Variants in PLCB3 observed in about 807,000 individuals in gnomAD.
PLCB3 encodes the protein 1-phosphatidylinositol 4,5-bisphosphate phosphodiesterase beta-3.
Under a neutral mutation model 152.1 loss-of-function variants are expected in PLCB3, and 54 were observed. The observed-to-expected ratio is 0.36, with a 90% CI of 0.29 to 0.45. PLCB3 has a LOEUF of 0.45. Among genes scored for constraint, PLCB3 ranks in the 20% least tolerant of loss-of-function variants. The pLI is 1.00. For missense variants in PLCB3, 1,248 were observed against 1,687.5 expected (o/e 0.74, Z 4.56); for synonymous variants, 717 against 698.7 (o/e 1.03, Z -0.41).
chr11:64,261,278 C>T lies in PLCB3; in HGVS notation c.1732-122C>T. On this transcript the variant is annotated intron_variant, in intron 14 of 30. Coordinates refer to ENST00000279230, the MANE Select transcript of PLCB3 (RefSeq NM_000932.5). Reference sequence around the variant, plus strand: ...GAGACCCCGGGGAGAAGACTGTCGGCACCACCAGCAGTGTGTATATAGTGC... The same window carrying T: ...GAGACCCCGGGGAGAAGACTGTCGGTACCACCAGCAGTGTGTATATAGTGC... 4.0e-6 allele frequency: 3 copies of T among 753,678 alleles called. No individual in the cohort carries two copies. In the South Asian group the frequency reaches 4.3e-5, roughly 11 times the overall value. The allele number at this position is 753,678 out of a possible 1,614,324, so 46.7% of individuals were successfully genotyped here.
At position 64,255,849 on chromosome 11, in the gene PLCB3, C is replaced by T; in HGVS notation, c.698+28C>T. On this transcript the variant is annotated intron_variant, in intron 8 of 30. Transcript: ENST00000279230. This position sits in a 1 kb window ranked among gnomAD's most constrained non-coding sequence, Gnocchi z 6.8. Reference sequence around the variant, plus strand: ...GAGTGGGCCCGGCCTGCCTCACAACCCCTGTGCTCTGTGTTTAGCTTCTGC... The same window carrying T: ...GAGTGGGCCCGGCCTGCCTCACAACTCCTGTGCTCTGTGTTTAGCTTCTGC... The T allele has an allele frequency of 6.8e-7, 1 of 1,475,082 alleles. No homozygotes were observed. The highest frequency in any genetic ancestry group is 9.5e-7 in the Non-Finnish European group (1 of 1,053,232). The allele number at this position is 1,475,082 out of a possible 1,614,324, so 91.4% of individuals were successfully genotyped here.
Position 64,258,102 on chromosome 11 carries a change from C to T in PLCB3, c.1013-371C>T, listed in dbSNP as rs2031634094. ...CAGGGAGGCGGAGGTTGCAGTGAAC[C>T]GAGGTTGTGCCACTGCACTCCAGCC... is the stretch of plus-strand genomic sequence containing the variant. On this transcript the variant is annotated intron_variant, in intron 10 of 30. Coordinates refer to ENST00000279230, the MANE Select transcript of PLCB3 (RefSeq NM_000932.5). This position sits in a 1 kb window ranked among gnomAD's most constrained non-coding sequence, Gnocchi z 7.2. 1.3e-5 allele frequency among the ~76,000 whole-genome samples: 2 copies of T among 149,608 alleles called. No individual in the cohort carries two copies. Among genetic ancestry groups the T allele is most frequent in the African/African-American group, 4.9e-5 (2 of 40,560 alleles).
Position 64,261,603 on chromosome 11 carries a change from G to A in PLCB3, c.1851G>A (p.Met617Ile). 2 of 1,614,184 alleles carry A rather than the reference G, an allele frequency of 1.2e-6. No individual in the cohort carries two copies. The highest frequency in any genetic ancestry group is 8.5e-7 in the Non-Finnish European group (1 of 1,180,016). The part of the protein sequence containing the change: ...AARKRNKCFE[M>I]SSFVETKAME... ...AAGAGAGGAACAAATGCTTCGAGAT[G>A]TCGTCCTTTGTGGAGACCAAGGCCA... Residue 617 changes from methionine (M) to isoleucine (I), a missense_variant, in exon 16 of 31, where the codon ATG (methionine) becomes ATA (isoleucine). By Grantham distance (10) the Met-to-Ile change is conservative. Around this residue, in one of 6 missense-constraint regions of PLCB3, gnomAD observed 244 missense variants for 424.4 expected, o/e 0.57. Transcript: ENST00000279230.
chr11:64,262,016 A>C lies in PLCB3; in HGVS notation c.1978A>C (p.Met660Leu). ...KGTRVDSSNY[M>L]PQLFWNVGCQ... is the part of the protein sequence containing the mutation. ...CACCCGCGTGGACTCCTCCAACTAC[A>C]TGCCCCAGCTCTTCTGGAACGTAGG... The change falls in exon 17 of 31, where the codon ATG (methionine) becomes CTG (leucine). Residue 660 changes from methionine (M) to leucine (L), a missense_variant. Physicochemically the swap from Met to Leu is conservative, Grantham distance 15 (BLOSUM62 2). This residue lies in a region of PLCB3 where 244 missense variants were observed against 424.4 expected (regional missense o/e 0.57). Coordinates refer to ENST00000279230, the MANE Select transcript of PLCB3 (RefSeq NM_000932.5). 6.2e-7 allele frequency: 1 copy of C among 1,614,114 alleles called. No individual in the cohort carries two copies. Among genetic ancestry groups the C allele is most frequent in the Non-Finnish European group, 8.5e-7 (1 of 1,179,964 alleles).
rs139633637 is a variant in PLCB3 at position 64,256,658 on chromosome 11, C to T, written c.906C>T (p.Gly302=). The T allele has an allele frequency of 6.6e-5, 107 of 1,614,186 alleles. 1 individual carries two copies. In the African/African-American group the frequency reaches 1.1e-3, roughly 17 times the overall value. Residue 302 remains glycine (G), a synonymous_variant, in exon 10 of 31, where the codon GGC becomes GGT. Transcript: ENST00000279230. ...AGGGCTTTAGCCGCTACCTGGGAGG[C>T]GAGGAGAATGGCATCCTGCCCCTGG... ...SMEGFSRYLG[G]EENGILPLEA...
At position 64,265,080 on chromosome 11, in the gene PLCB3, G is replaced by C; in HGVS notation, c.2782G>C (p.Ala928Pro). The C allele has an allele frequency of 8.9e-7, 1 of 1,121,872 alleles. No homozygotes were observed. 69.5% of individuals were successfully genotyped at this position (1,121,872 alleles called of 1,614,324 possible). The change falls in exon 23 of 31, where the codon GCC (alanine) becomes CCC (proline). Residue 928 changes from alanine (A) to proline (P), a missense_variant. Physicochemically the swap from Ala to Pro is conservative, Grantham distance 27. Coordinates refer to ENST00000279230, the MANE Select transcript of PLCB3 (RefSeq NM_000932.5). ...GCCCCCTGGCCCCACCACCTCCCCT[G>C]CCAGCACCTCCCTCAGCAGCCCAGG... is the stretch of plus-strand genomic sequence containing the variant. Reference protein sequence around the residue: ...RRPPGPTTSPASTSLSSPGQR... With the variant: ...RRPPGPTTSPPSTSLSSPGQR...
downstream of PLCB3, chr11:64,268,615 A>G (rs2032260064): frequency 6.6e-6 from 1 of 152,452 alleles, no homozygotes; most frequent in Non-Finnish European, 1.5e-5. Context: ...GACTGTCTTC[A>G]GCCAGCCTGG....
At position 64,258,846 on chromosome 11, in the gene PLCB3, T is replaced by TG. The variant is rs1226531552; in HGVS notation, c.1254-34dup. The TG allele has an allele frequency of 1.2e-6, 2 of 1,611,284 alleles. No homozygotes were observed. Among genetic ancestry groups the TG allele is most frequent in the Non-Finnish European group, 1.7e-6 (2 of 1,177,548 alleles). On this transcript the variant is annotated intron_variant, in intron 11 of 30. Coordinates refer to ENST00000279230, the MANE Select transcript of PLCB3 (RefSeq NM_000932.5). The surrounding 1 kb of genome is among the most constrained non-coding windows in gnomAD (Gnocchi z 7.2). ...GTCCCGTAGACCTCAGCTTCCTCTC[T>TG]GGGGGAGGGATCTCTGACCTCTGAC... is the stretch of plus-strand genomic sequence containing the variant.
Position 64,255,765 on chromosome 11 carries a change from G to C in PLCB3, c.642G>C (p.Glu214Asp). ...RPDEFSLEIF[E>D]RFLNKLCLRP... is the part of the protein sequence containing the mutation. ...ATGAGTTTTCCTTGGAAATCTTTGA[G>C]CGGTTCCTGAACAAGCTGTGTCTGC... Residue 214 changes from glutamate (E) to aspartate (D), a missense_variant, in exon 8 of 31, where the codon GAG becomes GAC. Physicochemically the swap from Glu to Asp is conservative, Grantham distance 45. Coordinates refer to ENST00000279230, the MANE Select transcript of PLCB3 (RefSeq NM_000932.5). The surrounding 1 kb of genome is among the most constrained non-coding windows in gnomAD (Gnocchi z 6.8). 1.2e-6 allele frequency: 2 copies of C among 1,614,150 alleles called. No homozygotes were observed. Among genetic ancestry groups the C allele is most frequent in the East Asian group, 4.5e-5 (2 of 44,884 alleles).
At position 64,255,686 on chromosome 11, in the gene PLCB3, C is replaced by G. The variant is rs1285587319; in HGVS notation, c.598-35C>G. 7 of 1,610,122 alleles carry G rather than the reference C, an allele frequency of 4.3e-6. No individual in the cohort carries two copies. The highest frequency in any genetic ancestry group is 5.9e-6 in the Non-Finnish European group (7 of 1,176,860). On this transcript the variant is annotated intron_variant, in intron 7 of 30. Coordinates refer to ENST00000279230, the MANE Select transcript of PLCB3 (RefSeq NM_000932.5). This position sits in a 1 kb window ranked among gnomAD's most constrained non-coding sequence, Gnocchi z 6.8. ...CACCCACCCTTACGGGGCTGCCCGCCCCTGGCTTCTCACCCCACACTCCTC... is the reference window on the plus strand; with the variant it reads ...CACCCACCCTTACGGGGCTGCCCGCGCCTGGCTTCTCACCCCACACTCCTC...
rs1211630644 is a variant in PLCB3 at position 64,263,548 on chromosome 11, G to A, written c.2406G>A (p.Gly802=). Residue 802 remains glycine, a synonymous_variant, in exon 20 of 31, where the codon GGG becomes GGA. Coordinates refer to ENST00000279230, the MANE Select transcript of PLCB3 (RefSeq NM_000932.5). ...ASLRIAAFEE[G]GKFVGHRILP... The stretch of plus-strand genomic sequence containing the variant: ...TTCGCATTGCAGCCTTTGAGGAGGG[G>A]GGTAAATTCGTAGGGCACCGGATCC... 1.3e-6 allele frequency: 2 copies of A among 1,598,982 alleles called. No individual in the cohort carries two copies. The highest frequency in any genetic ancestry group is 2.7e-5 in the African/African-American group (2 of 74,610).
intron 1 of PLCB3, 63 bp downstream of exon 1, chr11:64,251,811 C>A: frequency 2.0e-6 from 2 of 990,060 alleles, no homozygotes; most frequent in Non-Finnish European, 2.8e-6. Flanking sequence ...CTCGACCAGA[C>A]GCTGGGGACC....
chr11:64,255,169 G>C lies in PLCB3; in HGVS notation c.388-65G>C. On this transcript the variant is annotated intron_variant, in intron 4 of 30. Coordinates refer to ENST00000279230, the MANE Select transcript of PLCB3 (RefSeq NM_000932.5). This position sits in a 1 kb window ranked among gnomAD's most constrained non-coding sequence, Gnocchi z 6.8. ...GTGTACCAGAGGCAGTTGTGGACCT[G>C]GGTTGTGGCTGGGCAGCCCCTGTGT... is the stretch of plus-strand genomic sequence containing the variant. The C allele has an allele frequency of 6.5e-7, 1 of 1,531,484 alleles. No individual in the cohort carries two copies. Among genetic ancestry groups the C allele is most frequent in the Non-Finnish European group, 9.0e-7 (1 of 1,106,484 alleles). The allele number at this position is 1,531,484 out of a possible 1,614,324, so 94.9% of individuals were successfully genotyped here.
rs758648625 is a variant in PLCB3, at chr11:64,264,947, A to G, written c.2653-4A>G. 6.8e-6 allele frequency: 11 copies of G among 1,612,958 alleles called. No individual in the cohort carries two copies. Among genetic ancestry groups the G allele is most frequent in the Admixed American group, 6.7e-5 (4 of 59,984 alleles). ...GAAAAGAGCATTCTCCTTTCTCCCT[A>G]TAGGCTCAGGCTGGCCAAGAGACGT... is the stretch of plus-strand genomic sequence containing the variant. On this transcript the variant is annotated splice_polypyrimidine_tract_variant and splice_region_variant and intron_variant, in intron 22 of 30. Transcript: ENST00000279230.
chr11:64,261,527 C>G, intron 15 of PLCB3, 31 bp downstream of exon 15: 1 of 1,610,320 alleles, frequency 6.2e-7, no homozygotes, highest in Non-Finnish European at 8.5e-7. Flanking sequence ...GGCATGGGAG[C>G]TTGCCCAGCT....
At chr11:64,252,794 A>G (rs981905937) in intron 1 of PLCB3, among the ~76,000 whole-genome samples, 3 of 139,426 alleles carry the variant, frequency 2.2e-5, no homozygotes, top group African/African-American at 2.7e-5. Context: ...AAGTGGGAAC[A>G]GGGAGAGGGC....
chr11:64,258,947 T>C lies in PLCB3; in HGVS notation c.1316T>C (p.Ile439Thr), dbSNP rs1261558001. The change falls in exon 12 of 31, where the codon ATC becomes ACC. Residue 439 changes from isoleucine to threonine, a missense_variant. Around this residue, in one of 6 missense-constraint regions of PLCB3, gnomAD observed 122 missense variants for 221.8 expected, o/e 0.55. Coordinates refer to ENST00000279230, the MANE Select transcript of PLCB3 (RefSeq NM_000932.5). This position sits in a 1 kb window ranked among gnomAD's most constrained non-coding sequence, Gnocchi z 7.2. ...CRSIFGDALL[I>T]EPLDKYPLAP... ...TCCATCTTTGGAGACGCGCTACTCA[T>C]CGAGCCTCTGGACAAGTACCCGGTA... The C allele has an allele frequency of 6.2e-7, 1 of 1,613,642 alleles. No individual in the cohort carries two copies. Among genetic ancestry groups the C allele is most frequent in the African/African-American group, 1.3e-5 (1 of 74,878 alleles).
rs2855392 is a variant in PLCB3, at chr11:64,266,790, C to G, written c.3414+238C>G. On this transcript the variant is annotated intron_variant, in intron 29 of 30. Coordinates refer to ENST00000279230, the MANE Select transcript of PLCB3 (RefSeq NM_000932.5). This position sits in a 1 kb window ranked among gnomAD's most constrained non-coding sequence, Gnocchi z 4.9. ...CAACCCTGATACATTGCCCTGGGAG[C>G]CTTCGCCCACCTGACTTCTTTTTCT... Among the ~76,000 whole-genome samples the G allele has an allele frequency of 6.6e-6, 1 of 152,106 alleles. No individual in the cohort carries two copies. The highest frequency in any genetic ancestry group is 2.4e-5 in the African/African-American group (1 of 41,424).
At chr11:64,268,513 CTG>C (rs2032253110), downstream of PLCB3, 1 of 152,268 alleles carries the variant, frequency 6.6e-6, no homozygotes, top group Non-Finnish European at 1.5e-5. Flanking sequence ...GATGAGGAGA[CTG>C]AGGCCCGGAG....
Sources: allele counts gnomAD v4.1 joint callset (sites outside exome capture counted in the v4.1 genomes callset), GRCh38; gene constraint gnomAD v4.1.1; regional missense constraint gnomAD v4.1.1; non-coding constraint Gnocchi (gnomAD v3.1); transcripts MANE v1.5; gene names NCBI Gene and HGNC (gene_info 2026-07-23, HGNC 2026-07-21).